The following NUP153 variants were observed in gnomAD, a reference collection of about 807,000 sequenced individuals.
NUP153 encodes the protein nuclear pore complex protein Nup153.
Under a neutral mutation model 134.6 loss-of-function variants are expected in NUP153, and 27 were observed. The observed-to-expected ratio is 0.20, with a 90% CI of 0.15 to 0.28. The LOEUF (loss-of-function observed/expected upper bound fraction) is 0.28. NUP153 is among the 10% of genes least tolerant of loss of function. The pLI is 1.00. For synonymous variants in NUP153, 640 were observed against 623.5 expected, an observed-to-expected ratio of 1.03 and a Z score of -0.40; for missense variants, 1,821 against 1,731.3, an observed-to-expected ratio of 1.05 and a Z score of -0.92.
At chr6:17,630,127 T>C (rs1419636459) in intron 17 of NUP153, among the ~76,000 whole-genome samples, 1 of 152,162 alleles carries the variant, frequency 6.6e-6, no homozygotes, top group Non-Finnish European at 1.5e-5. Context: ...TATAGGGGTA[T>C]GTATGTTTGC....
At chr6:17,627,844 T>C (rs1765021844) in intron 18 of NUP153, among the ~76,000 whole-genome samples, 1 of 152,234 alleles carries the variant, frequency 6.6e-6, no homozygotes, top group African/African-American at 2.4e-5. Flanking sequence ...TTAGCTTTGG[T>C]GTCCTAAATT....
At chr6:17,652,916 C>T (rs1347381146) in intron 11 of NUP153, among the ~76,000 whole-genome samples, 1 of 152,054 alleles carries the variant, frequency 6.6e-6, no homozygotes, top group Non-Finnish European at 1.5e-5. Context: ...GTAATCCCAG[C>T]TACTAGGGAG....
chr6:17,659,435 C>G (rs1215598331), intron 11 of NUP153, among the ~76,000 whole-genome samples: 1 of 152,078 alleles, frequency 6.6e-6, no homozygotes, highest in East Asian at 1.9e-4. Context: ...TAATAAATTC[C>G]TTATTTACAC....
chr6:17,685,236 T>C (rs753000361), intron 2 of NUP153, among the ~76,000 whole-genome samples: 20 of 150,140 alleles, frequency 1.3e-4, no homozygotes, highest in Non-Finnish European at 2.1e-4. Context: ...AGCAGATATA[T>C]AGTCATGTGC....
intron 1 of NUP153, among the ~76,000 whole-genome samples, chr6:17,699,482 A>G (rs1769902352): frequency 1.8e-5 from 1 of 57,078 alleles, no homozygotes; most frequent in Non-Finnish European, 4.5e-5. Context: ...GACTCGTCTC[A>G]AAAAAAAAAA....
chr6:17,622,294 G>T (rs949895155), intron 20 of NUP153, among the ~76,000 whole-genome samples: 3 of 151,976 alleles, frequency 2.0e-5, no homozygotes, highest in Non-Finnish European at 4.4e-5. Context: ...TACAAACCAC[G>T]CCCCCCTCCA....
At chr6:17,685,372 C>T (rs1472559095) in intron 2 of NUP153, among the ~76,000 whole-genome samples, 1 of 151,936 alleles carries the variant, frequency 6.6e-6, no homozygotes, top group African/African-American at 2.4e-5. Flanking sequence ...ACGGAGAAAC[C>T]CCGTCTTTAC....
At chr6:17,701,450 T>C (rs1770065201) in intron 1 of NUP153, among the ~76,000 whole-genome samples, 1 of 151,678 alleles carries the variant, frequency 6.6e-6, no homozygotes, top group Non-Finnish European at 1.5e-5. Flanking sequence ...GATCAGGAAG[T>C]CAGGAGTTCA....
intron 9 of NUP153, among the ~76,000 whole-genome samples, chr6:17,662,618 G>C (rs1243787665): frequency 6.6e-6 from 1 of 152,064 alleles, no homozygotes; most frequent in East Asian, 1.9e-4. Context: ...ATATAATTGG[G>C]AAGTTTCCTT....
At chr6:17,649,834 C>CA (rs1160412441) in intron 11 of NUP153, among the ~76,000 whole-genome samples, 4 of 152,126 alleles carry the variant, frequency 2.6e-5, no homozygotes, top group African/African-American at 9.7e-5. Context: ...TAAGAAAAAA[C>CA]ACAGTATATA....
At position 17,628,091 on chromosome 6, in the gene NUP153, A is replaced by C. The variant is rs554983818; in HGVS notation, c.3544+564T>G. Among the ~76,000 whole-genome samples the C allele has an allele frequency of 1.2e-3, 184 of 152,296 alleles. No individual in the cohort carries two copies. Among genetic ancestry groups the C allele is most frequent in the Non-Finnish European group, 1.2e-4 (8 of 68,022 alleles). ...TATCAGCTATGAAGTTCTTCCTGCTATTCAGCTCACAGAATGACTTTAATA... is the reference window on the plus strand; with the variant it reads ...TATCAGCTATGAAGTTCTTCCTGCTCTTCAGCTCACAGAATGACTTTAATA... On this transcript the variant is annotated intron_variant, in intron 18 of 21. Coordinates refer to ENST00000262077, the MANE Select transcript of NUP153 (RefSeq NM_005124.4). This position sits in a 1 kb window ranked among gnomAD's most constrained non-coding sequence, Gnocchi z 5.4.
At chr6:17,674,196 G>A (rs1187117209) in intron 5 of NUP153, among the ~76,000 whole-genome samples, 1 of 152,094 alleles carries the variant, frequency 6.6e-6, no homozygotes, top group East Asian at 1.9e-4. Context: ...AGATACATAA[G>A]GTAACGTTTT....
intron 2 of NUP153, among the ~76,000 whole-genome samples, chr6:17,686,717 A>C (rs1419224761): frequency 6.6e-6 from 1 of 151,948 alleles, no homozygotes; most frequent in Non-Finnish European, 1.5e-5. Context: ...TAGAAAAAAA[A>C]AATTTTTTAA....
At position 17,661,829 on chromosome 6, in the gene NUP153, T is replaced by C. The variant is rs751877724; in HGVS notation, c.1269-50A>G. Reference sequence around the variant, plus strand: ...ACAACTGATATATTATTGTGGTCCATAACTTGTTAACTAGAACTGCTAACA... The same window carrying C: ...ACAACTGATATATTATTGTGGTCCACAACTTGTTAACTAGAACTGCTAACA... On this transcript the variant is annotated intron_variant, in intron 10 of 21. Coordinates refer to ENST00000262077, the MANE Select transcript of NUP153 (RefSeq NM_005124.4). 7.2e-6 allele frequency: 11 copies of C among 1,536,208 alleles called. No individual in the cohort carries two copies. The South Asian group carries it at 1.1e-4, about 15-fold the overall frequency.
chr6:17,675,827 A>T lies in NUP153; in HGVS notation c.335-57T>A. Reference sequence around the variant, plus strand: ...ACAACTTAGAGCGATACACTACCACAAATGGTTTTTACTTTAAGAAAACAC... The same window carrying T: ...ACAACTTAGAGCGATACACTACCACTAATGGTTTTTACTTTAAGAAAACAC... On this transcript the variant is annotated intron_variant, in intron 2 of 21. Coordinates refer to ENST00000262077, the MANE Select transcript of NUP153 (RefSeq NM_005124.4). The surrounding 1 kb of genome is among the most constrained non-coding windows in gnomAD (Gnocchi z 4.4). 1 of 1,541,472 alleles carries T rather than the reference A, an allele frequency of 6.5e-7. No homozygotes were observed. Among genetic ancestry groups the T allele is most frequent in the Non-Finnish European group, 9.0e-7 (1 of 1,115,784 alleles).
intron 14 of NUP153, among the ~76,000 whole-genome samples, chr6:17,641,688 C>G (rs764881956): frequency 1.3e-5 from 2 of 151,990 alleles, no homozygotes; most frequent in Non-Finnish European, 2.9e-5. Context: ...CCCGTTTCTA[C>G]TAAAAATACA....
intron 2 of NUP153, among the ~76,000 whole-genome samples, chr6:17,681,454 G>A (rs1380169155): frequency 6.6e-6 from 1 of 152,086 alleles, no homozygotes; most frequent in East Asian, 1.9e-4. Context: ...GTGTGGTGGC[G>A]GGCGCCTGTA....
intron 14 of NUP153, among the ~76,000 whole-genome samples, chr6:17,641,527 C>G (rs1254492975): frequency 6.6e-6 from 1 of 151,816 alleles, no homozygotes; most frequent in Non-Finnish European, 1.5e-5. Flanking sequence ...GAGCGAGACT[C>G]CGTCTCAAAA....
chr6:17,675,529 A>T lies in NUP153; in HGVS notation c.576T>A (p.Ser192=). 2 of 1,613,940 alleles carry T rather than the reference A, an allele frequency of 1.2e-6. No individual in the cohort carries two copies. The highest frequency in any genetic ancestry group is 1.7e-6 in the Non-Finnish European group (2 of 1,179,838). Residue 192 remains serine, a synonymous_variant, in exon 3 of 22, where the codon TCT becomes TCA. Transcript: ENST00000262077. This position sits in a 1 kb window ranked among gnomAD's most constrained non-coding sequence, Gnocchi z 4.4. ...STTSGFSSRA[S]DKDITVSKNT... ...ACCACATGTCAAGAATACCTTTATC[A>T]GAAGCTCTTGAAGAAAAACCACTGG... is the stretch of plus-strand genomic sequence containing the variant.
Sources: allele counts gnomAD v4.1 joint callset (sites outside exome capture counted in the v4.1 genomes callset), GRCh38; gene constraint gnomAD v4.1.1; non-coding constraint Gnocchi (gnomAD v3.1); transcripts MANE v1.5; gene names NCBI Gene and HGNC (gene_info 2026-07-23, HGNC 2026-07-21).